TUBA4B: variants seen among roughly 807,000 people sequenced by gnomAD.
TUBA4B encodes the protein tubulin alpha 4b.
A neutral mutation model predicts 18.4 loss-of-function variants in TUBA4B; 13 were observed. That is an observed-to-expected ratio of 0.71 (90% CI 0.46 to 1.12). TUBA4B has a LOEUF of 1.12. Among genes scored for constraint, TUBA4B ranks in the 50% most tolerant of loss-of-function variants. The probability of loss-of-function intolerance (pLI) is 0.00; values close to 1 mark genes in which losing one functional copy is unlikely to be tolerated. For synonymous variants in TUBA4B, 101 were observed against 99.1 expected (o/e 1.02, Z -0.11); for missense variants, 244 against 250.0 (o/e 0.98, Z 0.16).
Position 219,271,313 on chromosome 2 carries a change from C to A in TUBA4B, c.340C>A (p.Pro114Thr), listed in dbSNP as rs781693469. 7.5e-6 allele frequency: 12 copies of A among 1,596,806 alleles called. No individual in the cohort carries two copies. Among genetic ancestry groups the A allele is most frequent in the Non-Finnish European group, 1.0e-5 (12 of 1,164,480 alleles). The change falls in exon 4 of 4, where the codon CCC becomes ACC. Residue 114 changes from proline (P) to threonine (T), a missense_variant. By Grantham distance (38) the Pro-to-Thr change is conservative. Transcript: ENST00000490341. ...GCTGGGATTCTCCATCTACCCAGCC[C>A]CCCAGGTGTCTACAGCCATGGTCCA... ...SKLGFSIYPA[P>T]QVSTAMVQPY... is the part of the protein sequence containing the mutation.
chr2:219,266,684 C>G, intron 2 of TUBA4B, 118 bp downstream of exon 2: 1 of 640,282 alleles, frequency 1.6e-6, no homozygotes, highest in Non-Finnish European at 2.8e-6. Context: ...CAGTATGTGG[C>G]GAGGTGGGGA....
rs1363718299 is a variant in TUBA4B, at chr2:219,253,311, G to C, written c.-97G>C. The C allele has an allele frequency of 5.9e-6, 9 of 1,523,236 alleles. No individual in the cohort carries two copies. Among genetic ancestry groups the C allele is most frequent in the Non-Finnish European group, 7.9e-6 (9 of 1,139,222 alleles). 94.4% of individuals were successfully genotyped at this position (1,523,236 alleles called of 1,614,324 possible). On this transcript the variant is annotated 5_prime_UTR_variant, in exon 1 of 4. Coordinates refer to ENST00000490341, the MANE Select transcript of TUBA4B (RefSeq NM_001355221.1). ...AGCTCGCTTCAGGAGGCCGAACCCC[G>C]TTCCCACCAACCCTCTCAGCTCAGA... is the stretch of plus-strand genomic sequence containing the variant.
In TUBA4B at chr2:219,267,952, T is replaced by C. The variant is rs533679520; in HGVS notation, c.58+1386T>C. Reference sequence around the variant, plus strand: ...AGAGACACCTTGCATGGGCTAGTAGTTCTGGGGGCCAGGACGATGTCTGGG... The same window carrying C: ...AGAGACACCTTGCATGGGCTAGTAGCTCTGGGGGCCAGGACGATGTCTGGG... On this transcript the variant is annotated intron_variant, in intron 2 of 3. Coordinates refer to ENST00000490341, the MANE Select transcript of TUBA4B (RefSeq NM_001355221.1). Among the ~76,000 whole-genome samples the C allele has an allele frequency of 2.7e-4, 41 of 152,158 alleles. No individual in the cohort carries two copies. In the East Asian group the frequency reaches 7.9e-3, roughly 29 times the overall value.
chr2:219,258,173 T>G (rs78441821), intron 1 of TUBA4B, among the ~76,000 whole-genome samples: 6,529 of 151,860 alleles, frequency 0.043, 268 homozygotes, highest in East Asian at 0.11. Context: ...GTAGTTTTAG[T>G]AGAGATAGGA....
Position 219,271,274 on chromosome 2 carries a change from G to T in TUBA4B, c.301G>T (p.Gly101Cys). 6.7e-7 allele frequency: 1 copy of T among 1,483,178 alleles called. No homozygotes were observed. The highest frequency in any genetic ancestry group is 9.4e-7 in the Non-Finnish European group (1 of 1,061,050). The allele number at this position is 1,483,178 out of a possible 1,614,324, so 91.9% of individuals were successfully genotyped here. ...GATGGAGTGGCTTTCTGTTAACTAT[G>T]GCAAGAAATCCAAGCTGGGATTCTC... ...FLMEWLSVNY[G>C]KKSKLGFSIY... The change falls in exon 4 of 4, where the codon GGC (glycine) becomes TGC (cysteine). Residue 101 changes from glycine (G) to cysteine (C), a missense_variant. Transcript: ENST00000490341.
chr2:219,271,758 G>A lies in TUBA4B; in HGVS notation c.*59G>A. On this transcript the variant is annotated 3_prime_UTR_variant, in exon 4 of 4. Transcript: ENST00000490341. ...GCTGCCTGCTATACCATGGAGATGT[G>A]GTGCCCAAGGATGTCAACGCTGCCA... 1.2e-6 allele frequency: 2 copies of A among 1,611,462 alleles called. No individual in the cohort carries two copies. The highest frequency in any genetic ancestry group is 1.7e-6 in the Non-Finnish European group (2 of 1,177,492).
At chr2:219,262,721 G>T (rs968837218) in intron 1 of TUBA4B, among the ~76,000 whole-genome samples, 1 of 151,560 alleles carries the variant, frequency 6.6e-6, no homozygotes, top group Non-Finnish European at 1.5e-5. Flanking sequence ...GCATTATGTT[G>T]CCCAGGCTAG....
In TUBA4B at chr2:219,271,293, G is replaced by A. The variant is rs3896929; in HGVS notation, c.320G>A (p.Gly107Glu). 138 of 1,555,788 alleles carry A rather than the reference G, an allele frequency of 8.9e-5. No homozygotes were observed. The highest frequency in any genetic ancestry group is 1.6e-4 in the African/African-American group (12 of 73,622). Residue 107 changes from glycine (G) to glutamate (E), a missense_variant, in exon 4 of 4, where the codon GGA becomes GAA. Coordinates refer to ENST00000490341, the MANE Select transcript of TUBA4B (RefSeq NM_001355221.1). ...SVNYGKKSKL[G>E]FSIYPAPQVS... ...AACTATGGCAAGAAATCCAAGCTGG[G>A]ATTCTCCATCTACCCAGCCCCCCAG...
intron 2 of TUBA4B, among the ~76,000 whole-genome samples, chr2:219,267,920 A>G (rs73079128): frequency 0.018 from 2,770 of 152,006 alleles, 96 homozygotes; most frequent in African/African-American, 0.062. Flanking sequence ...TCATTCCCAG[A>G]GGGGCCAGAG....
intron 1 of TUBA4B, among the ~76,000 whole-genome samples, chr2:219,259,181 A>T (rs1280174983): frequency 1.3e-5 from 2 of 151,316 alleles, no homozygotes; most frequent in African/African-American, 2.4e-5. Context: ...TTATCCGGGC[A>T]TGGTGGCAGG....
intron 1 of TUBA4B, among the ~76,000 whole-genome samples, chr2:219,263,005 C>A (rs1054331730): frequency 2.6e-5 from 4 of 151,908 alleles, no homozygotes; most frequent in Non-Finnish European, 5.9e-5. Context: ...AGCACCACTG[C>A]ACCCCAGCCT....
In TUBA4B at chr2:219,271,292, G is replaced by A. The variant is rs547160918; in HGVS notation, c.319G>A (p.Gly107Arg). 6.4e-7 allele frequency: 1 copy of A among 1,552,006 alleles called. No homozygotes were observed. Among genetic ancestry groups the A allele is most frequent in the African/African-American group, 1.4e-5 (1 of 73,580 alleles). Residue 107 changes from glycine (G) to arginine (R), a missense_variant, in exon 4 of 4, where the codon GGA becomes AGA. By Grantham distance (125) the Gly-to-Arg change is moderately radical (BLOSUM62 -2). Transcript: ENST00000490341. ...SVNYGKKSKL[G>R]FSIYPAPQVS... ...TAACTATGGCAAGAAATCCAAGCTG[G>A]GATTCTCCATCTACCCAGCCCCCCA...
chr2:219,268,817 G>A (rs1485859420), intron 2 of TUBA4B, among the ~76,000 whole-genome samples: 1 of 152,192 alleles, frequency 6.6e-6, no homozygotes, highest in East Asian at 1.9e-4. Context: ...ATGATAGGCT[G>A]GGCGGCGGTG....
intron 1 of TUBA4B, among the ~76,000 whole-genome samples, chr2:219,257,902 T>G (rs1006608453): frequency 4.0e-5 from 6 of 151,210 alleles, no homozygotes; most frequent in African/African-American, 1.5e-4. Flanking sequence ...GGTCTAGAGC[T>G]CCTAGCCATA....
intron 1 of TUBA4B, among the ~76,000 whole-genome samples, chr2:219,265,336 G>T (rs1306993987): frequency 1.3e-5 from 2 of 152,168 alleles, no homozygotes; most frequent in African/African-American, 4.8e-5. Context: ...CGGAGAGAAG[G>T]TGCCTTAAGC....
chr2:219,260,655 T>C (rs1280898006), intron 1 of TUBA4B, among the ~76,000 whole-genome samples: 2 of 152,174 alleles, frequency 1.3e-5, no homozygotes, highest in South Asian at 2.1e-4. Context: ...TGAGTGATCA[T>C]CTTCCTTCCA....
rs950895209 is a variant in TUBA4B, at chr2:219,253,282, G to C, written c.-126G>C. On this transcript the variant is annotated 5_prime_UTR_variant, in exon 1 of 4. Coordinates refer to ENST00000490341, the MANE Select transcript of TUBA4B (RefSeq NM_001355221.1). ...GCGCACCCGGGCTTCGGCTGGAGAG[G>C]GCCAGCTCGCTTCAGGAGGCCGAAC... is the stretch of plus-strand genomic sequence containing the variant. The C allele has an allele frequency of 6.7e-7, 1 of 1,503,412 alleles. No homozygotes were observed. Among genetic ancestry groups the C allele is most frequent in the Admixed American group, 2.0e-5 (1 of 49,034 alleles). 93.1% of individuals were successfully genotyped at this position (1,503,412 alleles called of 1,614,324 possible).
At chr2:219,263,385 CG>C (rs1951770946) in intron 1 of TUBA4B, among the ~76,000 whole-genome samples, 1 of 151,536 alleles carries the variant, frequency 6.6e-6, no homozygotes, top group Non-Finnish European at 1.5e-5. Flanking sequence ...CCTAGGTACT[CG>C]GGAGGCTGAG....
chr2:219,266,763 T>G (rs1574893634), intron 2 of TUBA4B, among the ~76,000 whole-genome samples, 197 bp downstream of exon 2: 1 of 149,320 alleles, frequency 6.7e-6, no homozygotes, highest in Non-Finnish European at 1.5e-5. Flanking sequence ...TCACAGGGGG[T>G]AGGGAAGGAA....
Sources: gnomAD v4.1 joint callset for allele counts (sites outside exome capture counted in the v4.1 genomes callset) on GRCh38, gnomAD v4.1.1 for gene constraint, MANE v1.5 for transcripts, NCBI Gene and HGNC (gene_info 2026-07-23, HGNC 2026-07-21) for gene names.